CSMD3: variants seen among roughly 807,000 people sequenced by gnomAD.
CSMD3 encodes the protein CUB and sushi domain-containing protein 3.
CSMD3 carries 177 observed loss-of-function variants against 435.2 expected under a neutral mutation model. The observed-to-expected ratio is 0.41, with a 90% CI of 0.36 to 0.46. The LOEUF (loss-of-function observed/expected upper bound fraction) is 0.46. Ranked by LOEUF, CSMD3 falls within the 20% of genes least tolerant of loss-of-function variation. CSMD3 has a pLI of 0.34. For synonymous variants in CSMD3, 1,656 were observed against 1,520.5 expected, an observed-to-expected ratio of 1.09 and a Z score of -2.07; for missense variants, 4,265 against 4,504.6, an observed-to-expected ratio of 0.95 and a Z score of 1.52.
chr8:112,991,156 T>C (rs1359374663), intron 6 of CSMD3, among the ~76,000 whole-genome samples: 2 of 151,726 alleles, frequency 1.3e-5, no homozygotes, highest in Non-Finnish European at 2.9e-5. Context: ...CAAAATGATA[T>C]GTAGAATTGT....
intron 4 of CSMD3, among the ~76,000 whole-genome samples, chr8:113,167,013 C>A (rs1204389045): frequency 2.6e-5 from 4 of 151,948 alleles, no homozygotes; most frequent in Non-Finnish European, 4.4e-5. Context: ...AAACTGAGGT[C>A]TAAAAAATTA....
At chr8:113,063,968 G>T (rs1410666004) in intron 5 of CSMD3, among the ~76,000 whole-genome samples, 1 of 151,244 alleles carries the variant, frequency 6.6e-6, no homozygotes, top group African/African-American at 2.4e-5. Context: ...TAAATAGTAA[G>T]GTCTAAGCAA....
intron 26 of CSMD3, 85 bp from the exon 27 acceptor site, chr8:112,550,958 T>C: frequency 1.1e-6 from 1 of 897,590 alleles, no homozygotes; most frequent in Non-Finnish European, 1.8e-6. Context: ...ATTATGCCTT[T>C]TACTAGATAG....
At chr8:113,062,690 C>G in intron 5 of CSMD3, among the ~76,000 whole-genome samples, 1 of 151,690 alleles carries the variant, frequency 6.6e-6, no homozygotes, top group East Asian at 1.9e-4. Context: ...ACTTTATATT[C>G]AAATGCTCCC....
chr8:113,187,940 AAT>A (rs1250445254), intron 3 of CSMD3, among the ~76,000 whole-genome samples: 5 of 152,068 alleles, frequency 3.3e-5, no homozygotes, highest in South Asian at 2.1e-4. Context: ...ACTGCTTATC[AAT>A]ATGTTTCATG....
chr8:112,506,941 T>G, intron 28 of CSMD3, 112 bp from the exon 29 acceptor site: 2 of 903,112 alleles, frequency 2.2e-6, no homozygotes, highest in Non-Finnish European at 1.8e-6. Flanking sequence ...TGTACAGACC[T>G]GAATTTTATA....
At chr8:113,312,893 A>G (rs564712241) in intron 2 of CSMD3, 1 of 152,352 alleles carries the variant, frequency 6.6e-6, no homozygotes, top group Admixed American at 6.5e-5. Flanking sequence ...TTTACAATGT[A>G]AAAGGAAAAA....
chr8:113,297,413 C>G (rs1337206577), intron 2 of CSMD3, among the ~76,000 whole-genome samples: 1 of 151,862 alleles, frequency 6.6e-6, no homozygotes, highest in Non-Finnish European at 1.5e-5. Flanking sequence ...TAGAAAACAT[C>G]AAAGTTAACC....
chr8:112,792,293 G>A (rs1176224664), intron 13 of CSMD3, among the ~76,000 whole-genome samples: 1 of 152,048 alleles, frequency 6.6e-6, no homozygotes, highest in Non-Finnish European at 1.5e-5. Context: ...CTCACAATCT[G>A]GAGGCTGTGA....
At chr8:112,925,514 G>T (rs1167049804) in intron 9 of CSMD3, among the ~76,000 whole-genome samples, 1 of 151,568 alleles carries the variant, frequency 6.6e-6, no homozygotes, top group Non-Finnish European at 1.5e-5. Context: ...AGTGAGCTGA[G>T]ATCGCGCTAC....
In CSMD3 at chr8:113,244,628, A is replaced by G. The variant is rs562520461; in HGVS notation, c.514+33964T>C. ...CGCGCCTGGCCTACATTAATTTTTT[A>G]TGGTGTCAGCAGTAATCAAACTTCA... On this transcript the variant is annotated intron_variant, in intron 3 of 70. Coordinates refer to ENST00000297405, the MANE Select transcript of CSMD3 (RefSeq NM_198123.2). Among the ~76,000 whole-genome samples the G allele has an allele frequency of 3.9e-5, 6 of 152,098 alleles. No homozygotes were observed. In the East Asian group the frequency reaches 1.2e-3, roughly 29 times the overall value.
intron 31 of CSMD3, among the ~76,000 whole-genome samples, chr8:112,486,616 T>C (rs147862452): frequency 9.2e-4 from 140 of 152,316 alleles, no homozygotes; most frequent in African/African-American, 3.3e-3. Context: ...TGTTTATATA[T>C]GCTGAACCCT....
intron 11 of CSMD3, among the ~76,000 whole-genome samples, chr8:112,850,069 T>A (rs745841736): frequency 6.6e-6 from 1 of 152,168 alleles, no homozygotes; most frequent in Non-Finnish European, 1.5e-5. Context: ...AAATATTGCA[T>A]GCAAAGGCTT....
chr8:112,793,609 CAGAG>C (rs1413715112), intron 13 of CSMD3, among the ~76,000 whole-genome samples: 9 of 152,088 alleles, frequency 5.9e-5, no homozygotes, highest in African/African-American at 1.9e-4. Flanking sequence ...AAAAGGTTTG[CAGAG>C]ACTTCAGCAC....
At chr8:112,573,790 A>T (rs1321068518) in intron 23 of CSMD3, 133 bp from the exon 24 acceptor site, 9 of 685,074 alleles carry the variant, frequency 1.3e-5, no homozygotes, top group Non-Finnish European at 2.2e-5. Flanking sequence ...AGGGCAACTA[A>T]ATATATTGGT....
chr8:113,051,954 A>G (rs563546033), intron 5 of CSMD3, among the ~76,000 whole-genome samples: 1 of 152,138 alleles, frequency 6.6e-6, no homozygotes, highest in East Asian at 1.9e-4. Flanking sequence ...CACTTTTTAC[A>G]TTATAATACA....
At chr8:113,171,615 T>A (rs1754308635) in intron 4 of CSMD3, among the ~76,000 whole-genome samples, 2 of 152,140 alleles carry the variant, frequency 1.3e-5, no homozygotes, top group Non-Finnish European at 2.9e-5. Context: ...CCTCCAATTA[T>A]AAAGAAAAGT....
In CSMD3 at chr8:112,388,259, G is replaced by A. The variant is rs578155590; in HGVS notation, c.5934+2405C>T. Among the ~76,000 whole-genome samples the A allele has an allele frequency of 3.9e-5, 6 of 152,230 alleles. 1 individual carries two copies. The highest frequency in any genetic ancestry group is 1.4e-4 in the African/African-American group (6 of 41,544). ...AATCGACAGTGTCAAAAGAGATAAG[G>A]AGATTGGAGACAACTGAGGTATTAG... On this transcript the variant is annotated intron_variant, in intron 36 of 70. Transcript: ENST00000297405.
intron 1 of CSMD3, among the ~76,000 whole-genome samples, chr8:113,358,022 C>A (rs569988630): frequency 9.2e-5 from 14 of 152,146 alleles, no homozygotes; most frequent in Non-Finnish European, 1.9e-4. Context: ...ACCGAGTATG[C>A]ATATTAAGTG....
Sources: gnomAD v4.1 joint callset for allele counts (sites outside exome capture counted in the v4.1 genomes callset) on GRCh38, gnomAD v4.1.1 for gene constraint, MANE v1.5 for transcripts, NCBI Gene and HGNC (gene_info 2026-07-23, HGNC 2026-07-21) for gene names.